The following CFAP299 variants were observed in gnomAD, a reference collection of about 807,000 sequenced individuals.
The protein encoded by CFAP299 is cilia and flagella associated protein 299, also known as cilia- and flagella-associated protein 299.
CFAP299 carries 21 observed loss-of-function variants against 27.0 expected under a neutral mutation model. That is an observed-to-expected ratio of 0.78 (90% CI 0.55 to 1.12). The LOEUF (loss-of-function observed/expected upper bound fraction) is 1.12, where lower values mean the gene tolerates loss of function less well. Ranked by LOEUF, CFAP299 falls within the 50% of genes most tolerant of loss-of-function variation. The pLI, the probability that CFAP299 is intolerant of heterozygous loss-of-function variation, is 0.00. For missense variants in CFAP299, 310 were observed against 276.6 expected (o/e 1.12, Z -0.86); for synonymous variants, 104 against 98.1 (o/e 1.06, Z -0.36).
intron 4 of CFAP299, among the ~76,000 whole-genome samples, chr4:80,941,128 A>G (rs1737172086): frequency 6.6e-6 from 1 of 152,188 alleles, no homozygotes; most frequent in African/African-American, 2.4e-5. Context: ...AAACCCTAAT[A>G]CAATGTAAAT....
chr4:80,528,823 GCCCAGTAT>G (rs1733318693), intron 2 of CFAP299, among the ~76,000 whole-genome samples: 1 of 152,020 alleles, frequency 6.6e-6, no homozygotes, highest in Non-Finnish European at 1.5e-5. Flanking sequence ...ACCATCTGCT[GCCCAGTAT>G]CTCAAGAAAG....
intron 2 of CFAP299, among the ~76,000 whole-genome samples, chr4:80,506,016 A>G (rs1732016737): frequency 6.6e-6 from 1 of 150,634 alleles, no homozygotes; most frequent in African/African-American, 2.4e-5. Context: ...ATATATAAAT[A>G]TATATATAAA....
At chr4:80,504,495 A>ATATATATATATG (rs1731909125) in intron 2 of CFAP299, among the ~76,000 whole-genome samples, 1 of 126,760 alleles carries the variant, frequency 7.9e-6, no homozygotes, top group Non-Finnish European at 1.7e-5. Flanking sequence ...ATATATATAT[A>ATATATATATATG]TATATATATA....
chr4:80,612,154 T>C (rs1252852893), intron 3 of CFAP299, among the ~76,000 whole-genome samples: 1 of 152,022 alleles, frequency 6.6e-6, no homozygotes, highest in African/African-American at 2.4e-5. Flanking sequence ...TAGCAAACCA[T>C]CGTGTTTTAT....
intron 3 of CFAP299, among the ~76,000 whole-genome samples, chr4:80,672,799 T>G (rs905795259): frequency 2.6e-5 from 4 of 152,210 alleles, no homozygotes; most frequent in Admixed American, 2.6e-4. Context: ...ATAGAGGTGT[T>G]TATAGTATTC....
At chr4:80,617,132 C>T (rs1397023814) in intron 3 of CFAP299, among the ~76,000 whole-genome samples, 1 of 151,976 alleles carries the variant, frequency 6.6e-6, no homozygotes, top group Non-Finnish European at 1.5e-5. Context: ...GAAGAAAAGA[C>T]AGGTGGTTCA....
At chr4:80,344,005 A>G (rs1421588301) in intron 1 of CFAP299, among the ~76,000 whole-genome samples, 1 of 152,144 alleles carries the variant, frequency 6.6e-6, no homozygotes, top group Non-Finnish European at 1.5e-5. Flanking sequence ...CAGTGTGAAG[A>G]GAGAAATTTG....
chr4:80,570,510 A>G (rs1578614033), intron 2 of CFAP299, among the ~76,000 whole-genome samples: 1 of 152,234 alleles, frequency 6.6e-6, no homozygotes, highest in Non-Finnish European at 1.5e-5. Flanking sequence ...CAAAACATCA[A>G]TAAAAATAGG....
At chr4:80,634,010 A>T (rs1007454284) in intron 3 of CFAP299, among the ~76,000 whole-genome samples, 6 of 143,406 alleles carry the variant, frequency 4.2e-5, no homozygotes, top group African/African-American at 1.4e-4. Flanking sequence ...TTTTTTACGA[A>T]ATCTAGCTCT....
At chr4:80,838,941 A>G (rs774748953) in intron 3 of CFAP299, among the ~76,000 whole-genome samples, 5 of 152,082 alleles carry the variant, frequency 3.3e-5, no homozygotes, top group Non-Finnish European at 5.9e-5. Flanking sequence ...ATCCATTTAC[A>G]TTATACTTTT....
chr4:80,946,918 C>T (rs1272180914), intron 5 of CFAP299, among the ~76,000 whole-genome samples: 2 of 152,114 alleles, frequency 1.3e-5, no homozygotes, highest in East Asian at 1.9e-4. Context: ...TATGAATGCT[C>T]TTGTTAAGAT....
At chr4:80,912,646 G>T (rs1735537649) in intron 4 of CFAP299, among the ~76,000 whole-genome samples, 1 of 152,122 alleles carries the variant, frequency 6.6e-6, no homozygotes, top group Non-Finnish European at 1.5e-5. Flanking sequence ...CAAGCCCAAG[G>T]GTCAGTGGTT....
intron 2 of CFAP299, among the ~76,000 whole-genome samples, chr4:80,568,422 T>C (rs866447914): frequency 1.6e-4 from 25 of 152,144 alleles, no homozygotes; most frequent in South Asian, 4.1e-4. Flanking sequence ...AACCAAAGTT[T>C]TGTAAATTTA....
chr4:80,695,925 C>G (rs1428811010), intron 3 of CFAP299, among the ~76,000 whole-genome samples: 2 of 152,096 alleles, frequency 1.3e-5, no homozygotes, highest in Admixed American at 1.3e-4. Context: ...GCTAGGATTA[C>G]AAGCATGAGC....
intron 3 of CFAP299, among the ~76,000 whole-genome samples, chr4:80,686,233 G>A (rs1720183742): frequency 6.6e-6 from 1 of 152,118 alleles, no homozygotes. Flanking sequence ...CTCATGAGTG[G>A]CAATTGCTCA....
chr4:80,467,150 C>A (rs1283095115), intron 2 of CFAP299, among the ~76,000 whole-genome samples: 1 of 152,144 alleles, frequency 6.6e-6, no homozygotes, highest in East Asian at 1.9e-4. Flanking sequence ...GCCTGCAAGT[C>A]AATTGAGCAC....
chr4:80,902,889 C>CAT lies in CFAP299; in HGVS notation c.476+32766_476+32767dup, dbSNP rs956813895. 9.1e-4 allele frequency among the ~76,000 whole-genome samples: 137 copies of CAT among 150,878 alleles called. 2 individuals carry two copies. The highest frequency in any genetic ancestry group is 2.4e-3 in the African/African-American group (97 of 41,196). On this transcript the variant is annotated intron_variant, in intron 4 of 5. Coordinates refer to ENST00000358105, the MANE Select transcript of CFAP299 (RefSeq NM_152770.3). ...TGTTAGTGTTTTATTGAGTCTTGTA[C>CAT]ATATATATATATACAAACAAATCAT...
chr4:80,500,523 C>G (rs968549718), intron 2 of CFAP299, among the ~76,000 whole-genome samples: 1 of 152,084 alleles, frequency 6.6e-6, no homozygotes, highest in Non-Finnish European at 1.5e-5. Flanking sequence ...TTTTAAATTG[C>G]AATAATTCTA....
At chr4:80,355,211 G>T (rs1361644555) in intron 1 of CFAP299, among the ~76,000 whole-genome samples, 1 of 151,988 alleles carries the variant, frequency 6.6e-6, no homozygotes, top group Non-Finnish European at 1.5e-5. Flanking sequence ...TTTAGTAGTA[G>T]CCATTCCGAT....
Sources: allele counts gnomAD v4.1 joint callset (sites outside exome capture counted in the v4.1 genomes callset), GRCh38; gene constraint gnomAD v4.1.1; transcripts MANE v1.5; gene names NCBI Gene and HGNC (gene_info 2026-07-23, HGNC 2026-07-21).